The following RAB28 variants were observed in gnomAD, a reference collection of about 807,000 sequenced individuals.
RAB28 encodes the protein RAB28, member RAS oncogene family, also known as ras-related protein Rab-28.
In RAB28, 24 loss-of-function variants were observed where a neutral mutation model predicts 31.7. The observed-to-expected ratio is 0.76, with a 90% CI of 0.55 to 1.06. RAB28 has a LOEUF of 1.06. Ranked by LOEUF, RAB28 falls within the 50% of genes least tolerant of loss-of-function variation. The pLI, the probability that RAB28 is intolerant of heterozygous loss-of-function variation, is 0.00. For synonymous variants in RAB28, 100 were observed against 90.4 expected (o/e 1.11, Z -0.60); for missense variants, 254 against 258.5 (o/e 0.98, Z 0.12).
chr4:13,375,076 TACACTTTCCCCCAGTA>T (rs1728866599), intron 6 of RAB28, among the ~76,000 whole-genome samples: 1 of 152,150 alleles, frequency 6.6e-6, no homozygotes, highest in Non-Finnish European at 1.5e-5. Context: ...AACTGCCCAG[TACACTTTCCCCCAGTA>T]TGGCAGAGTG....
At position 13,420,903 on chromosome 4, in the gene RAB28, C is replaced by T. The variant is rs150373462; in HGVS notation, c.392-39309G>A. ...TCAACATAGTGTTGGAAGTTCTGGC[C>T]GAGCAATCAGGCAAGAGAAAGAAAT... On this transcript the variant is annotated intron_variant, in intron 4 of 6. Transcript: ENST00000330852. Among the ~76,000 whole-genome samples, 703 of 152,086 alleles carry T rather than the reference C, an allele frequency of 4.6e-3. 6 individuals carry two copies. Among genetic ancestry groups the T allele is most frequent in the African/African-American group, 0.016 (665 of 41,486 alleles).
At chr4:13,414,602 T>C (rs1712639022) in intron 4 of RAB28, among the ~76,000 whole-genome samples, 1 of 152,214 alleles carries the variant, frequency 6.6e-6, no homozygotes, top group South Asian at 2.1e-4. Context: ...TCCCAATTCA[T>C]TTATGAAGCT....
intron 4 of RAB28, among the ~76,000 whole-genome samples, chr4:13,388,362 A>G (rs1198300830): frequency 6.6e-6 from 1 of 152,042 alleles, no homozygotes; most frequent in African/African-American, 2.4e-5. Context: ...ACACACAAAA[A>G]TTAACTCAAA....
chr4:13,392,386 T>C (rs189001716), intron 4 of RAB28, among the ~76,000 whole-genome samples: 1 of 152,340 alleles, frequency 6.6e-6, no homozygotes, highest in Non-Finnish European at 1.5e-5. Flanking sequence ...ATGACCTCTG[T>C]TATTATTTTA....
intron 4 of RAB28, among the ~76,000 whole-genome samples, chr4:13,382,982 G>A (rs1010773138): frequency 1.3e-5 from 2 of 152,050 alleles, no homozygotes; most frequent in Admixed American, 6.5e-5. Context: ...TTACGGGCGT[G>A]AGCCACAGCA....
chr4:13,469,602 G>A (rs989167684), intron 3 of RAB28, among the ~76,000 whole-genome samples: 22 of 152,084 alleles, frequency 1.4e-4, no homozygotes, highest in African/African-American at 5.3e-4. Flanking sequence ...AGTTTATATA[G>A]TACTTCGTTT....
intron 5 of RAB28, among the ~76,000 whole-genome samples, chr4:13,379,188 A>C (rs188644181): frequency 1.8e-3 from 244 of 139,172 alleles, no homozygotes; most frequent in African/African-American, 6.3e-3. Flanking sequence ...CCCGGAGGAC[A>C]CAGTGAAACT....
At chr4:13,429,973 T>TA (rs1713722285) in intron 4 of RAB28, among the ~76,000 whole-genome samples, 1 of 152,188 alleles carries the variant, frequency 6.6e-6, no homozygotes, top group African/African-American at 2.4e-5. Context: ...GTTATACTGG[T>TA]ATAAGGACAG....
At chr4:13,426,328 T>C (rs1713488142) in intron 4 of RAB28, among the ~76,000 whole-genome samples, 1 of 151,968 alleles carries the variant, frequency 6.6e-6, no homozygotes. Flanking sequence ...CACATACTAA[T>C]GAGGATGCAA....
intron 4 of RAB28, among the ~76,000 whole-genome samples, chr4:13,382,951 C>T (rs918728243): frequency 6.6e-6 from 1 of 152,028 alleles, no homozygotes; most frequent in Non-Finnish European, 1.5e-5. Context: ...CCACCCACCT[C>T]GGCCTCCCAA....
chr4:13,408,951 G>T (rs1048647717), intron 4 of RAB28, among the ~76,000 whole-genome samples: 2 of 152,098 alleles, frequency 1.3e-5, no homozygotes, highest in Non-Finnish European at 2.9e-5. Context: ...GCATATCAAT[G>T]ATATCTTGCA....
At chr4:13,478,739 TAAA>T (rs1429243476) in intron 2 of RAB28, among the ~76,000 whole-genome samples, 3 of 151,738 alleles carry the variant, frequency 2.0e-5, no homozygotes, top group Non-Finnish European at 4.4e-5. Context: ...GACAGCATTT[TAAA>T]GCCCCAATTG....
intron 4 of RAB28, among the ~76,000 whole-genome samples, chr4:13,443,534 T>C (rs544293329): frequency 2.0e-5 from 3 of 152,194 alleles, no homozygotes; most frequent in Non-Finnish European, 2.9e-5. Context: ...GGTGCTTATT[T>C]TTTCCTCAGC....
At chr4:13,464,778 C>T (rs914626148) in intron 3 of RAB28, among the ~76,000 whole-genome samples, 14 of 151,956 alleles carry the variant, frequency 9.2e-5, no homozygotes, top group Non-Finnish European at 1.8e-4. Context: ...GCTTTCAATA[C>T]AAAATTACAA....
intron 4 of RAB28, among the ~76,000 whole-genome samples, chr4:13,458,834 G>A (rs957416426): frequency 6.6e-6 from 1 of 152,226 alleles, no homozygotes; most frequent in East Asian, 1.9e-4. Flanking sequence ...GCTTAGGTGT[G>A]TAGTTGGCCA....
chr4:13,458,916 G>A (rs951199718), intron 4 of RAB28, among the ~76,000 whole-genome samples: 1 of 152,196 alleles, frequency 6.6e-6, no homozygotes, highest in Admixed American at 6.5e-5. Flanking sequence ...TGGCGTGAAG[G>A]ATGCAAAGTA....
At chr4:13,415,322 C>T (rs1161617182) in intron 4 of RAB28, among the ~76,000 whole-genome samples, 2 of 152,226 alleles carry the variant, frequency 1.3e-5, no homozygotes, top group South Asian at 2.1e-4. Flanking sequence ...GAAGTGCCCG[C>T]CGCTGGGCTG....
At chr4:13,461,271 T>C (rs1715578421) in intron 3 of RAB28, among the ~76,000 whole-genome samples, 1 of 152,246 alleles carries the variant, frequency 6.6e-6, no homozygotes, top group South Asian at 2.1e-4. Context: ...GATTCCATGA[T>C]ATCCCTTGAT....
At chr4:13,418,535 T>A (rs573180615) in intron 4 of RAB28, among the ~76,000 whole-genome samples, 1 of 152,250 alleles carries the variant, frequency 6.6e-6, no homozygotes, top group South Asian at 2.1e-4. Flanking sequence ...GGGAAGCCCA[T>A]CAGCTAACAG....
Sources: gnomAD v4.1 joint callset for allele counts (sites outside exome capture counted in the v4.1 genomes callset) on GRCh38, gnomAD v4.1.1 for gene constraint, MANE v1.5 for transcripts, NCBI Gene and HGNC (gene_info 2026-07-23, HGNC 2026-07-21) for gene names.